CENPE: variants seen among roughly 807,000 people sequenced by gnomAD.
CENPE encodes the protein centromere protein E.
CENPE carries 145 observed loss-of-function variants against 336.1 expected under a neutral mutation model. The observed-to-expected ratio is 0.43, with a 90% CI of 0.38 to 0.50. The LOEUF is 0.50. CENPE is among the 20% of genes least tolerant of loss of function. The pLI, the probability that CENPE is intolerant of heterozygous loss-of-function variation, is 0.00. For synonymous variants in CENPE, 1,013 were observed against 984.8 expected (o/e 1.03, Z -0.54); for missense variants, 2,719 against 3,023.3 (o/e 0.90, Z 2.36).
At chr4:103,149,539 A>G (rs1330576872) in intron 26 of CENPE, 131 bp from the exon 27 acceptor site, 35 of 785,694 alleles carry the variant, frequency 4.5e-5, no homozygotes, top group Non-Finnish European at 1.9e-6. Flanking sequence ...TGAAACTCAC[A>G]GGCATAAATG....
chr4:103,189,223 C>G (rs375866894), intron 8 of CENPE, among the ~76,000 whole-genome samples: 1 of 152,172 alleles, frequency 6.6e-6, no homozygotes, highest in Admixed American at 6.5e-5. Context: ...CTAGGAGGAG[C>G]TGGTACCATT....
intron 43 of CENPE, 132 bp downstream of exon 43, chr4:103,122,739 C>A: frequency 1.6e-6 from 1 of 644,640 alleles, no homozygotes; most frequent in South Asian, 1.9e-5. Context: ...AGTAGAACTA[C>A]TAGTAAAAAT....
chr4:103,154,567 C>T (rs1753818285), intron 24 of CENPE, among the ~76,000 whole-genome samples: 2 of 152,078 alleles, frequency 1.3e-5, no homozygotes, highest in African/African-American at 2.4e-5. Flanking sequence ...AACACGTAGT[C>T]TTTTGGGACT....
chr4:103,136,013 C>G (rs1458581638), intron 40 of CENPE, 128 bp downstream of exon 40: 2 of 754,944 alleles, frequency 2.6e-6, no homozygotes, highest in African/African-American at 3.6e-5. Context: ...TATGCTCAGA[C>G]CCACATAATC....
At chr4:103,179,147 C>A (rs1042961081) in intron 13 of CENPE, among the ~76,000 whole-genome samples, 1 of 152,130 alleles carries the variant, frequency 6.6e-6, no homozygotes, top group African/African-American at 2.4e-5. Context: ...CCTTTCTCTG[C>A]CCTCAACATC....
intron 42 of CENPE, among the ~76,000 whole-genome samples, chr4:103,126,923 A>AAG (rs2125882014): frequency 6.6e-6 from 1 of 152,120 alleles, no homozygotes; most frequent in African/African-American, 2.4e-5. Flanking sequence ...AACATCCTAG[A>AAG]AGTGTGCAGT....
At chr4:103,173,123 T>C (rs1200625848) in intron 16 of CENPE, among the ~76,000 whole-genome samples, 6 of 151,986 alleles carry the variant, frequency 3.9e-5, no homozygotes, top group Admixed American at 2.0e-4. Flanking sequence ...TACAAAACTA[T>C]AGTAACCAAA....
At chr4:103,183,140 ATGT>A (rs753130890) in intron 10 of CENPE, 58 bp downstream of exon 10, 1 of 1,262,480 alleles carries the variant, frequency 7.9e-7, no homozygotes, top group Non-Finnish European at 1.1e-6. Context: ...AAATGTTGCA[ATGT>A]TCAACCTAAT....
chr4:103,192,039 G>C (rs990727685), intron 8 of CENPE, among the ~76,000 whole-genome samples: 1 of 151,772 alleles, frequency 6.6e-6, no homozygotes, highest in Non-Finnish European at 1.5e-5. Flanking sequence ...GCAGTGAAGG[G>C]GTGTCTTGTT....
At chr4:103,183,357 T>G (rs1756483145) in intron 9 of CENPE, 69 bp from the exon 10 acceptor site, 1 of 1,243,010 alleles carries the variant, frequency 8.0e-7, no homozygotes, top group African/African-American at 1.5e-5. Context: ...TATTTATCAC[T>G]AAGTTAATGA....
At chr4:103,193,184 T>C (rs1757497944) in intron 8 of CENPE, among the ~76,000 whole-genome samples, 1 of 152,008 alleles carries the variant, frequency 6.6e-6, no homozygotes, top group Non-Finnish European at 1.5e-5. Flanking sequence ...ATCAAGTAGA[T>C]CACTGAATAT....
At chr4:103,112,663 TAA>T (rs1253093173) in intron 46 of CENPE, among the ~76,000 whole-genome samples, 4 of 131,042 alleles carry the variant, frequency 3.1e-5, no homozygotes, top group East Asian at 2.1e-4. Flanking sequence ...TAAGTATATA[TAA>T]GTCTGCATAT....
At chr4:103,168,155 AGCCACTGGGTCAG>A (rs946046904) in intron 16 of CENPE, among the ~76,000 whole-genome samples, 3 of 152,078 alleles carry the variant, frequency 2.0e-5, no homozygotes, top group African/African-American at 7.2e-5. Flanking sequence ...AACCTGTCTG[AGCCACTGGGTCAG>A]GCTTGCAGTC....
At chr4:103,118,365 C>T (rs1348037862) in intron 44 of CENPE, among the ~76,000 whole-genome samples, 1 of 152,118 alleles carries the variant, frequency 6.6e-6, no homozygotes, top group Non-Finnish European at 1.5e-5. Context: ...GGTCTTTTGC[C>T]AATTTTAAGA....
In CENPE at chr4:103,149,006, G is replaced by A; in HGVS notation, c.3688-7C>T. The A allele has an allele frequency of 6.2e-7, 1 of 1,608,006 alleles. No individual in the cohort carries two copies. Among genetic ancestry groups the A allele is most frequent in the Admixed American group, 1.7e-5 (1 of 58,600 alleles). On this transcript the variant is annotated splice_region_variant and splice_polypyrimidine_tract_variant and intron_variant, in intron 27 of 48. Coordinates refer to ENST00000265148, the MANE Select transcript of CENPE (RefSeq NM_001813.3). ...CTTCTTTGGTTTGTAGGCCCTTGGC[G>A]AGTGAAATTTAAAGAATATTGTAAT... is the stretch of plus-strand genomic sequence containing the variant.
chr4:103,142,266 C>A (rs1289001659), intron 34 of CENPE, among the ~76,000 whole-genome samples: 2 of 152,170 alleles, frequency 1.3e-5, no homozygotes, highest in Non-Finnish European at 2.9e-5. Context: ...TATATACACA[C>A]ACACTCCTTT....
intron 39 of CENPE, among the ~76,000 whole-genome samples, chr4:103,137,772 T>C (rs1025321464): frequency 4.6e-5 from 7 of 152,186 alleles, no homozygotes; most frequent in Non-Finnish European, 8.8e-5. Context: ...GCCTGGGTGA[T>C]TGAAATCAGT....
chr4:103,149,086 C>T lies in CENPE; in HGVS notation c.3687+32G>A, dbSNP rs151273266. On this transcript the variant is annotated intron_variant, in intron 27 of 48. Transcript: ENST00000265148. ...AGTGGCTCAGATTTTAAAAGAAACA[C>T]TTAATAGATGAAGGAAAAGGGTATA... 5 of 1,580,660 alleles carry T rather than the reference C, an allele frequency of 3.2e-6. No individual in the cohort carries two copies. The African/African-American group carries it at 6.8e-5, about 22-fold the overall frequency.
chr4:103,195,360 T>C, intron 4 of CENPE, 127 bp from the exon 5 acceptor site: 1 of 652,234 alleles, frequency 1.5e-6, no homozygotes, highest in Non-Finnish European at 2.4e-6. Context: ...TTGGTTCTAC[T>C]GTTGACAAAA....
Sources: allele counts gnomAD v4.1 joint callset (sites outside exome capture counted in the v4.1 genomes callset), GRCh38; gene constraint gnomAD v4.1.1; transcripts MANE v1.5; gene names NCBI Gene and HGNC (gene_info 2026-07-23, HGNC 2026-07-21).